SCUBE1: variants seen among roughly 807,000 people sequenced by gnomAD.
SCUBE1 encodes the protein signal peptide, CUB and EGF-like domain-containing protein 1.
Under a neutral mutation model 124.4 loss-of-function variants are expected in SCUBE1, and 59 were observed. The observed-to-expected ratio is 0.47, with a 90% CI of 0.38 to 0.59. The LOEUF (loss-of-function observed/expected upper bound fraction) is 0.59. Ranked by LOEUF, SCUBE1 falls within the 20% of genes least tolerant of loss-of-function variation. The pLI is 0.00. For missense variants in SCUBE1, 1,150 were observed against 1,371.2 expected (o/e 0.84, Z 2.55); for synonymous variants, 545 against 550.9 (o/e 0.99, Z 0.15).
At chr22:43,250,707 T>G (rs1263974887) in intron 6 of SCUBE1, among the ~76,000 whole-genome samples, 1 of 151,748 alleles carries the variant, frequency 6.6e-6, no homozygotes, top group Non-Finnish European at 1.5e-5. Flanking sequence ...CGGGGCAGAG[T>G]GCAAGGCCCA....
chr22:43,254,007 C>T lies in SCUBE1; in HGVS notation c.727+4212G>A, dbSNP rs138307125. Among the ~76,000 whole-genome samples, 16 of 152,354 alleles carry T rather than the reference C, an allele frequency of 1.1e-4. No homozygotes were observed. In the East Asian group the frequency reaches 1.5e-3, roughly 15 times the overall value. On this transcript the variant is annotated intron_variant, in intron 6 of 21. Transcript: ENST00000360835. ...AGTCCATAGCACTGACTCATGCCTG[C>T]CTGGAGGGCAGTGGTCATACCTGTT...
At position 43,210,051 on chromosome 22, in the gene SCUBE1, C is replaced by T. The variant is rs201249734; in HGVS notation, c.2573G>A (p.Arg858Lys). The T allele has an allele frequency of 2.5e-6, 4 of 1,606,796 alleles. No homozygotes were observed. Among genetic ancestry groups the T allele is most frequent in the East Asian group, 2.3e-5 (1 of 44,308 alleles). ...EDECGDVLVM[R>K]KSASPTSITT... ...CTCGGCCCCCAACATACCACTCTTC[C>T]TCATGACCAGAACATCGCCGCACTC... The change falls in exon 19 of 22, where the codon AGG (arginine) becomes AAG (lysine). Residue 858 changes from arginine to lysine, a missense_variant. Coordinates refer to ENST00000360835, the MANE Select transcript of SCUBE1 (RefSeq NM_173050.5). The surrounding 1 kb of genome is among the most constrained non-coding windows in gnomAD (Gnocchi z 4.5).
At chr22:43,241,655 C>T (rs1044241999) in intron 6 of SCUBE1, among the ~76,000 whole-genome samples, 1 of 152,200 alleles carries the variant, frequency 6.6e-6, no homozygotes, top group Non-Finnish European at 1.5e-5. Flanking sequence ...TCCTCTCCCC[C>T]TGGGACCCAG....
At chr22:43,270,952 C>A (rs1308222706) in intron 4 of SCUBE1, among the ~76,000 whole-genome samples, 2 of 152,106 alleles carry the variant, frequency 1.3e-5, no homozygotes, top group African/African-American at 4.8e-5. Flanking sequence ...GCCTCTCCAG[C>A]TGACTTGTCC....
intron 21 of SCUBE1, among the ~76,000 whole-genome samples, chr22:43,204,499 A>G (rs1250702928): frequency 6.6e-6 from 1 of 151,592 alleles, no homozygotes; most frequent in Non-Finnish European, 1.5e-5. Context: ...CATTTTCACC[A>G]TGTTGGCCAG....
chr22:43,204,860 C>A (rs1921155253), intron 21 of SCUBE1, among the ~76,000 whole-genome samples: 1 of 151,122 alleles, frequency 6.6e-6, no homozygotes, highest in Admixed American at 6.6e-5. Flanking sequence ...ATGAGAACTG[C>A]TTGAAACCGG....
intron 3 of SCUBE1, among the ~76,000 whole-genome samples, chr22:43,302,314 G>A (rs903666374): frequency 6.6e-6 from 1 of 152,224 alleles, no homozygotes; most frequent in African/African-American, 2.4e-5. Context: ...CTGACATGAG[G>A]ACCAAAGTCT....
At chr22:43,207,665 G>A (rs374154951) in intron 20 of SCUBE1, 52 bp from the exon 21 acceptor site, 6 of 1,403,260 alleles carry the variant, frequency 4.3e-6, no homozygotes, top group African/African-American at 2.8e-5. Context: ...TGAGGCCCAC[G>A]TGCTCCCCTT....
At chr22:43,221,764 A>G (rs1305149536) in intron 12 of SCUBE1, among the ~76,000 whole-genome samples, 1 of 152,196 alleles carries the variant, frequency 6.6e-6, no homozygotes, top group Non-Finnish European at 1.5e-5. Flanking sequence ...TCACATATGC[A>G]TTAAATATAT....
chr22:43,223,458 A>C (rs1168492996), intron 10 of SCUBE1, among the ~76,000 whole-genome samples: 1 of 152,092 alleles, frequency 6.6e-6, no homozygotes, highest in Non-Finnish European at 1.5e-5. Context: ...GAGAAGGTTC[A>C]TGTCCCCATC....
chr22:43,220,715 C>T lies in SCUBE1; in HGVS notation c.1550-128G>A, dbSNP rs1922053625. 4.8e-6 allele frequency: 6 copies of T among 1,242,414 alleles called. No homozygotes were observed. The East Asian group carries it at 1.3e-4, about 26-fold the overall frequency. The allele number at this position is 1,242,414 out of a possible 1,614,324, so 77.0% of individuals were successfully genotyped here. Reference sequence around the variant, plus strand: ...CGTGGTGCAGACGGAAAAACTCAGGCTAGAGAAGGTCAGGGCTGGCTCGGG... The same window carrying T: ...CGTGGTGCAGACGGAAAAACTCAGGTTAGAGAAGGTCAGGGCTGGCTCGGG... On this transcript the variant is annotated intron_variant, in intron 13 of 21. Coordinates refer to ENST00000360835, the MANE Select transcript of SCUBE1 (RefSeq NM_173050.5).
chr22:43,313,215 C>G (rs1926231048), intron 3 of SCUBE1, among the ~76,000 whole-genome samples: 1 of 152,166 alleles, frequency 6.6e-6, no homozygotes, highest in African/African-American at 2.4e-5. Context: ...AGGGTTGGTG[C>G]TCAATAAATG....
intron 4 of SCUBE1, among the ~76,000 whole-genome samples, chr22:43,274,889 G>A (rs1013623900): frequency 1.3e-5 from 2 of 152,190 alleles, no homozygotes; most frequent in African/African-American, 4.8e-5. Flanking sequence ...ATGGCCCTTC[G>A]AGGACAAAAG....
intron 6 of SCUBE1, among the ~76,000 whole-genome samples, chr22:43,244,399 C>T (rs562412393): frequency 5.3e-5 from 8 of 152,328 alleles, no homozygotes; most frequent in East Asian, 3.9e-4. Flanking sequence ...ACCAGCACGG[C>T]GGAGGTGTCT....
chr22:43,259,076 G>A (rs368063256), intron 5 of SCUBE1, among the ~76,000 whole-genome samples: 51 of 152,308 alleles, frequency 3.3e-4, no homozygotes, highest in African/African-American at 1.2e-3. Flanking sequence ...TCAGCAACCT[G>A]GGTTGGCTGA....
intron 6 of SCUBE1, among the ~76,000 whole-genome samples, chr22:43,239,516 A>G (rs900571051): frequency 7.9e-5 from 12 of 152,256 alleles, no homozygotes; most frequent in Admixed American, 7.8e-4. Flanking sequence ...TGATATGCCA[A>G]AGGCATCTGG....
chr22:43,221,833 G>C (rs1306630454), intron 12 of SCUBE1, among the ~76,000 whole-genome samples: 2 of 152,186 alleles, frequency 1.3e-5, no homozygotes, highest in Middle Eastern at 3.2e-3. Context: ...GGAGGCCGAG[G>C]CAGGCGGATC....
chr22:43,204,400 G>A (rs1027610310), intron 21 of SCUBE1, among the ~76,000 whole-genome samples: 1 of 152,012 alleles, frequency 6.6e-6, no homozygotes, highest in Non-Finnish European at 1.5e-5. Flanking sequence ...CTGAGTTCAG[G>A]TGATTCTGCT....
At chr22:43,313,682 A>G (rs1281070988) in intron 3 of SCUBE1, among the ~76,000 whole-genome samples, 3 of 152,214 alleles carry the variant, frequency 2.0e-5, no homozygotes, top group Non-Finnish European at 1.5e-5. Context: ...TATATTTGAG[A>G]AATTCCTCAA....
Sources: gnomAD v4.1 joint callset for allele counts (sites outside exome capture counted in the v4.1 genomes callset) on GRCh38, gnomAD v4.1.1 for gene constraint, Gnocchi (gnomAD v3.1) non-coding constraint, MANE v1.5 for transcripts, NCBI Gene and HGNC (gene_info 2026-07-23, HGNC 2026-07-21) for gene names.